Variants in SH3RF3 observed in about 807,000 individuals in gnomAD.
The protein encoded by SH3RF3 is SH3 domain containing ring finger 3, also known as E3 ubiquitin-protein ligase SH3RF3.
In SH3RF3, 29 loss-of-function variants were observed where a neutral mutation model predicts 66.3. That is an observed-to-expected ratio of 0.44 (90% CI 0.33 to 0.60). The LOEUF (loss-of-function observed/expected upper bound fraction) is 0.60. Among genes scored for constraint, SH3RF3 ranks in the 20% least tolerant of loss-of-function variants. The pLI is 0.04. For synonymous variants in SH3RF3, 583 were observed against 532.0 expected (o/e 1.10, Z -1.32); for missense variants, 1,194 against 1,190.9 (o/e 1.00, Z -0.04).
intron 1 of SH3RF3, among the ~76,000 whole-genome samples, chr2:109,164,422 AG>A (rs1677566568): frequency 2.0e-5 from 3 of 152,200 alleles, no homozygotes; most frequent in Non-Finnish European, 2.9e-5. Flanking sequence ...GGCCTCAAGC[AG>A]TTCTCCTGCC....
Position 109,503,947 on chromosome 2 carries a change from CAG to C in SH3RF3, c.*2279_*2280del, listed in dbSNP as rs1679462820. On this transcript the variant is annotated 3_prime_UTR_variant, in exon 10 of 10. Coordinates refer to ENST00000309415, the MANE Select transcript of SH3RF3 (RefSeq NM_001099289.3). ...GGATGTCAGCTGGCCGCTTTCAGGG[CAG>C]AGTCGGGTGGGCGTTGGTGCCACCT... 2.0e-5 allele frequency: 3 copies of C among 152,208 alleles called. No individual in the cohort carries two copies. In the South Asian group the frequency reaches 6.2e-4, roughly 32 times the overall value. 9.4% of individuals were successfully genotyped at this position (152,208 alleles called of 1,614,324 possible). A position where few individuals can be genotyped will look rare whatever the true frequency, so the allele number is the denominator to read the frequency against.
intron 1 of SH3RF3, among the ~76,000 whole-genome samples, chr2:109,312,973 A>G (rs927834692): frequency 6.6e-6 from 1 of 152,148 alleles, no homozygotes; most frequent in African/African-American, 2.4e-5. Flanking sequence ...CTTGGATTTC[A>G]CTTTTATCTA....
chr2:109,402,027 T>C (rs1211069976), intron 4 of SH3RF3, among the ~76,000 whole-genome samples: 3 of 152,226 alleles, frequency 2.0e-5, no homozygotes, highest in Non-Finnish European at 4.4e-5. Context: ...ATAAAGCAGT[T>C]GCCGCCTGTC....
At chr2:109,381,918 A>G (rs898794656) in intron 3 of SH3RF3, among the ~76,000 whole-genome samples, 9 of 152,122 alleles carry the variant, frequency 5.9e-5, no homozygotes, top group African/African-American at 1.9e-4. Context: ...TACGTAACAC[A>G]CATCTCATGT....
At chr2:109,283,910 A>G (rs1680954938) in intron 1 of SH3RF3, among the ~76,000 whole-genome samples, 1 of 151,528 alleles carries the variant, frequency 6.6e-6, no homozygotes, top group South Asian at 2.1e-4. Flanking sequence ...TTATCAAATG[A>G]CCCCCAGATT....
intron 1 of SH3RF3, among the ~76,000 whole-genome samples, chr2:109,269,137 G>C (rs1405806830): frequency 6.6e-6 from 1 of 152,228 alleles, no homozygotes; most frequent in Non-Finnish European, 1.5e-5. Context: ...CATTGGAAGC[G>C]TGGGCATCAT....
intron 8 of SH3RF3, among the ~76,000 whole-genome samples, chr2:109,489,777 A>G (rs553348342): frequency 1.0e-3 from 159 of 151,964 alleles, no homozygotes; most frequent in Admixed American, 6.4e-3. Flanking sequence ...TCGCTCTGTC[A>G]CCCAGGCTGG....
intron 2 of SH3RF3, 54 bp from the exon 3 acceptor site, chr2:109,371,532 T>G: frequency 6.6e-7 from 1 of 1,518,372 alleles, no homozygotes; most frequent in Non-Finnish European, 9.1e-7. Context: ...TTGCTTCCTT[T>G]TTCATTGTGT....
At chr2:109,184,927 T>C (rs959493256) in intron 1 of SH3RF3, among the ~76,000 whole-genome samples, 4 of 152,232 alleles carry the variant, frequency 2.6e-5, no homozygotes, top group Non-Finnish European at 5.9e-5. Flanking sequence ...TAAGAAAATA[T>C]ATACATTTTC....
chr2:109,147,494 C>T lies in SH3RF3; in HGVS notation c.573+17381C>T, dbSNP rs187725577. Among the ~76,000 whole-genome samples the T allele has an allele frequency of 2.0e-5, 3 of 152,294 alleles. No homozygotes were observed. In the East Asian group the frequency reaches 5.8e-4, roughly 29 times the overall value. On this transcript the variant is annotated intron_variant, in intron 1 of 9. Coordinates refer to ENST00000309415, the MANE Select transcript of SH3RF3 (RefSeq NM_001099289.3). ...TCCATCTACCACTTGGTCAACAGAT[C>T]TGATAAGAAGCCCACACTTGAAGGA... is the stretch of plus-strand genomic sequence containing the variant.
intron 4 of SH3RF3, among the ~76,000 whole-genome samples, chr2:109,417,718 G>A (rs758329788): frequency 2.6e-5 from 4 of 152,182 alleles, no homozygotes; most frequent in Admixed American, 1.3e-4. Context: ...TCTGCCAGGC[G>A]CACTGGGTTT....
chr2:109,456,931 A>G (rs1678075516), intron 8 of SH3RF3, among the ~76,000 whole-genome samples: 1 of 152,236 alleles, frequency 6.6e-6, no homozygotes, highest in African/African-American at 2.4e-5. Flanking sequence ...GGGAAGGAGC[A>G]CAGTCATCTC....
At chr2:109,352,917 C>T (rs1682870513) in intron 2 of SH3RF3, among the ~76,000 whole-genome samples, 1 of 152,274 alleles carries the variant, frequency 6.6e-6, no homozygotes, top group South Asian at 2.1e-4. Flanking sequence ...AAAGCTTGGG[C>T]TGTATCTGAA....
chr2:109,234,810 A>G lies in SH3RF3; in HGVS notation c.573+104697A>G, dbSNP rs374745082. 1.0e-3 allele frequency among the ~76,000 whole-genome samples: 157 copies of G among 152,308 alleles called. 1 individual carries two copies. Among genetic ancestry groups the G allele is most frequent in the African/African-American group, 3.6e-3 (149 of 41,560 alleles). On this transcript the variant is annotated intron_variant, in intron 1 of 9. Transcript: ENST00000309415. Reference sequence around the variant, plus strand: ...ACACCTGACTTCCTGGGGAAATTCAACCATGATATGTTCCTGAGAAAAAGA... The same window carrying G: ...ACACCTGACTTCCTGGGGAAATTCAGCCATGATATGTTCCTGAGAAAAAGA...
chr2:109,205,107 C>T (rs998308532), intron 1 of SH3RF3, among the ~76,000 whole-genome samples: 5 of 151,966 alleles, frequency 3.3e-5, no homozygotes, highest in African/African-American at 9.7e-5. Context: ...CTTGGGAGGC[C>T]GAGGTAGGAG....
chr2:109,171,452 C>T (rs1357629192), intron 1 of SH3RF3, among the ~76,000 whole-genome samples: 1 of 152,248 alleles, frequency 6.6e-6, no homozygotes, highest in Non-Finnish European at 1.5e-5. Context: ...AAAAATGCTT[C>T]CCCTCCTGCT....
intron 1 of SH3RF3, among the ~76,000 whole-genome samples, chr2:109,273,000 G>T (rs749175186): frequency 5.3e-5 from 8 of 152,194 alleles, no homozygotes; most frequent in Non-Finnish European, 1.0e-4. Flanking sequence ...AACAGGGAAA[G>T]AAAATGGTTA....
At chr2:109,165,614 C>G (rs949546370) in intron 1 of SH3RF3, among the ~76,000 whole-genome samples, 2 of 152,202 alleles carry the variant, frequency 1.3e-5, no homozygotes, top group East Asian at 1.9e-4. Flanking sequence ...ATTGCCAACT[C>G]TGCCTTAGAG....
chr2:109,301,808 G>A (rs1201201564), intron 1 of SH3RF3, among the ~76,000 whole-genome samples: 7 of 152,158 alleles, frequency 4.6e-5, no homozygotes, highest in Admixed American at 4.6e-4. Flanking sequence ...CATCCTTCTT[G>A]TCTTCATTCT....
Sources: gnomAD v4.1 joint callset for allele counts (sites outside exome capture counted in the v4.1 genomes callset) on GRCh38, gnomAD v4.1.1 for gene constraint, MANE v1.5 for transcripts, NCBI Gene and HGNC (gene_info 2026-07-23, HGNC 2026-07-21) for gene names.